Variants in RYR3 observed in about 807,000 individuals in gnomAD.
RYR3 encodes the protein ryanodine receptor 3, also known as brain ryanodine receptor-calcium release channel.
Under a neutral mutation model 584.3 loss-of-function variants are expected in RYR3, and 207 were observed. The ratio of observed to expected loss-of-function variants is 0.35; its 90% confidence interval spans 0.32 to 0.40. The LOEUF (loss-of-function observed/expected upper bound fraction) is 0.40. RYR3 is among the 10% of genes least tolerant of loss of function. The pLI is 1.00. For missense variants in RYR3, 5,616 were observed against 6,089.2 expected, an observed-to-expected ratio of 0.92 and a Z score of 2.59; for synonymous variants, 2,416 against 2,248.5, an observed-to-expected ratio of 1.07 and a Z score of -2.11.
At chr15:33,825,956 A>T in intron 82 of RYR3, 1 of 500,650 alleles carries the variant, frequency 2.0e-6, no homozygotes, top group Non-Finnish European at 3.6e-6. Flanking sequence ...CTGGTCTTGA[A>T]CTCCTGACCT....
chr15:33,321,717 A>G (rs1310150734), intron 1 of RYR3, among the ~76,000 whole-genome samples: 1 of 152,210 alleles, frequency 6.6e-6, no homozygotes, highest in African/African-American at 2.4e-5. Context: ...CAAAAAAACT[A>G]AAGCAAGATT....
chr15:33,352,800 ATGG>A (rs1973455886), intron 1 of RYR3, among the ~76,000 whole-genome samples: 1 of 152,206 alleles, frequency 6.6e-6, no homozygotes, highest in Non-Finnish European at 1.5e-5. Context: ...CTGTTTACTC[ATGG>A]TGGTCATTTA....
intron 32 of RYR3, among the ~76,000 whole-genome samples, chr15:33,658,042 G>GTCACAT (rs1338122283): frequency 6.6e-6 from 1 of 152,182 alleles, no homozygotes; most frequent in East Asian, 1.9e-4. Flanking sequence ...ATTCTCTGTT[G>GTCACAT]TCACATTACA....
chr15:33,634,147 G>A (rs1400402407), intron 24 of RYR3, among the ~76,000 whole-genome samples: 1 of 152,064 alleles, frequency 6.6e-6, no homozygotes, highest in Non-Finnish European at 1.5e-5. Flanking sequence ...CATCTCCCGG[G>A]TTCAAGTGAT....
intron 1 of RYR3, among the ~76,000 whole-genome samples, chr15:33,425,635 C>T (rs890112077): frequency 8.7e-6 from 1 of 115,188 alleles, no homozygotes; most frequent in Admixed American, 8.4e-5. Context: ...TTGAGACTCA[C>T]AATTTTTTTT....
At chr15:33,849,949 C>G (rs2078983465) in intron 94 of RYR3, 1 of 152,238 alleles carries the variant, frequency 6.6e-6, no homozygotes, top group African/African-American at 2.4e-5. Flanking sequence ...AGCACTGTTT[C>G]TGATGCTTTG....
At chr15:33,675,927 G>T (rs566242418) in intron 38 of RYR3, among the ~76,000 whole-genome samples, 1 of 152,098 alleles carries the variant, frequency 6.6e-6, no homozygotes, top group Non-Finnish European at 1.5e-5. Flanking sequence ...GCAGTGCTCT[G>T]GGTGAGAGGT....
intron 36 of RYR3, among the ~76,000 whole-genome samples, chr15:33,665,449 C>T (rs761264857): frequency 6.6e-6 from 1 of 152,192 alleles, no homozygotes; most frequent in Non-Finnish European, 1.5e-5. Context: ...TTTGCAATTG[C>T]TTCATGACAG....
At chr15:33,549,902 C>G (rs2056545827) in intron 9 of RYR3, among the ~76,000 whole-genome samples, 1 of 152,110 alleles carries the variant, frequency 6.6e-6, no homozygotes, top group Non-Finnish European at 1.5e-5. Flanking sequence ...AATTGGAAAC[C>G]TGGGACTTCC....
intron 40 of RYR3, among the ~76,000 whole-genome samples, chr15:33,698,424 C>A (rs2066016584): frequency 6.6e-6 from 1 of 152,170 alleles, no homozygotes; most frequent in Non-Finnish European, 1.5e-5. Flanking sequence ...CAACCGAACT[C>A]CTGAAGAAGC....
chr15:33,719,077 C>T lies in RYR3; in HGVS notation c.6620-3638C>T, dbSNP rs184025046. 3.9e-5 allele frequency among the ~76,000 whole-genome samples: 6 copies of T among 152,314 alleles called. No homozygotes were observed. The East Asian group carries it at 1.2e-3, about 29-fold the overall frequency. On this transcript the variant is annotated intron_variant, in intron 43 of 103. Transcript: ENST00000634891. ...GACTGTCTCTCCCTCCTAATCATGCCATCCTCTTTGCCTTGGGAAGCCTTT... is the reference window on the plus strand; with the variant it reads ...GACTGTCTCTCCCTCCTAATCATGCTATCCTCTTTGCCTTGGGAAGCCTTT...
chr15:33,635,131 A>G (rs1018650311), intron 25 of RYR3, among the ~76,000 whole-genome samples: 6 of 152,206 alleles, frequency 3.9e-5, no homozygotes, highest in African/African-American at 1.4e-4. Context: ...TAAAATCTGA[A>G]CAACAGCTTA....
rs569570705 is a variant in RYR3 at position 33,454,492 on chromosome 15, C to T, written c.52-18927C>T. Among the ~76,000 whole-genome samples the T allele has an allele frequency of 6.6e-5, 10 of 152,266 alleles. No individual in the cohort carries two copies. In the South Asian group the frequency reaches 8.3e-4, roughly 13 times the overall value. ...CATCATCCAGTCATTAAGCATTTAC[C>T]GAACATATCCTCTCTGCTAGGCCTT... On this transcript the variant is annotated intron_variant, in intron 1 of 103. Coordinates refer to ENST00000634891, the MANE Select transcript of RYR3 (RefSeq NM_001036.6).
intron 38 of RYR3, among the ~76,000 whole-genome samples, chr15:33,688,929 T>C (rs2065210396): frequency 6.6e-6 from 1 of 152,142 alleles, no homozygotes; most frequent in South Asian, 2.1e-4. Flanking sequence ...TGCGCACATA[T>C]GTTTATTGCA....
In RYR3 at chr15:33,634,683, G is replaced by T. The variant is rs781225171; in HGVS notation, c.3125G>T (p.Arg1042Leu). The change falls in exon 25 of 104, where the codon CGC (arginine) becomes CTC (leucine). Residue 1042 changes from arginine to leucine, a missense_variant. By Grantham distance (102) the Arg-to-Leu change is moderately radical. This residue lies in a region of RYR3 where 1,284 missense variants were observed against 1,344.6 expected (regional missense o/e 0.95). Transcript: ENST00000634891. ...AGGGACAGCCTGCGGGAAGCTGTGC[G>T]CACTTTTGTTGGTTACGGGTATAAC... ...SNRDSLREAV[R>L]TFVGYGYNIE... 1.2e-6 allele frequency: 2 copies of T among 1,613,934 alleles called. No homozygotes were observed.
At chr15:33,328,687 T>C (rs1970030147) in intron 1 of RYR3, among the ~76,000 whole-genome samples, 1 of 152,214 alleles carries the variant, frequency 6.6e-6, no homozygotes. Context: ...TCTTAGACTT[T>C]GGTTTGTAGA....
At chr15:33,800,003 T>A (rs1198067434) in intron 67 of RYR3, among the ~76,000 whole-genome samples, 1 of 152,194 alleles carries the variant, frequency 6.6e-6, no homozygotes, top group Non-Finnish European at 1.5e-5. Context: ...CTTGGAAATA[T>A]AATTTAATTT....
At chr15:33,526,357 G>A (rs1050232539) in intron 3 of RYR3, among the ~76,000 whole-genome samples, 3 of 152,162 alleles carry the variant, frequency 2.0e-5, no homozygotes, top group African/African-American at 7.2e-5. Context: ...CCCATCCTGC[G>A]AGATGGAACC....
chr15:33,487,859 G>A (rs745907239), intron 2 of RYR3, among the ~76,000 whole-genome samples: 3 of 152,162 alleles, frequency 2.0e-5, no homozygotes, highest in Non-Finnish European at 4.4e-5. Flanking sequence ...ATTGGCAGCT[G>A]AACTGTTTTC....
Sources: gnomAD v4.1 joint callset for allele counts (sites outside exome capture counted in the v4.1 genomes callset) on GRCh38, gnomAD v4.1.1 for gene constraint, gnomAD v4.1.1 regional missense constraint, MANE v1.5 for transcripts, NCBI Gene and HGNC (gene_info 2026-07-23, HGNC 2026-07-21) for gene names.